DPP6: variants seen among roughly 807,000 people sequenced by gnomAD.
DPP6 encodes the protein dipeptidyl peptidase like 6.
DPP6 carries 69 observed loss-of-function variants against 122.6 expected under a neutral mutation model. The observed-to-expected ratio is 0.56, with a 90% CI of 0.46 to 0.69. The LOEUF (loss-of-function observed/expected upper bound fraction) is 0.69, where lower values mean the gene tolerates loss of function less well. DPP6 is among the 30% of genes least tolerant of loss of function. The pLI is 0.00. For synonymous variants in DPP6, 418 were observed against 433.1 expected (o/e 0.97, Z 0.43); for missense variants, 928 against 1,116.9 (o/e 0.83, Z 2.41).
chr7:153,972,948 G>C (rs2129034077), intron 1 of DPP6, among the ~76,000 whole-genome samples: 1 of 151,872 alleles, frequency 6.6e-6, no homozygotes, highest in East Asian at 1.9e-4. Flanking sequence ...AATCTACTTA[G>C]TATGTTTTAT....
At position 154,868,327 on chromosome 7, in the gene DPP6, C is replaced by A. The variant is rs368023313; in HGVS notation, c.1813+234C>A. Among the ~76,000 whole-genome samples, 5 of 152,212 alleles carry A rather than the reference C, an allele frequency of 3.3e-5. No individual in the cohort carries two copies. In the East Asian group the frequency reaches 9.6e-4, roughly 29 times the overall value. ...AGGATCTCTCTCCCTGAGAGGCTGACAGTTGCTTCAAAGCAAGACCACAGA... is the reference window on the plus strand; with the variant it reads ...AGGATCTCTCTCCCTGAGAGGCTGAAAGTTGCTTCAAAGCAAGACCACAGA... On this transcript the variant is annotated intron_variant, in intron 18 of 25. Transcript: ENST00000377770.
chr7:154,309,320 A>T (rs577363441), intron 1 of DPP6, among the ~76,000 whole-genome samples: 11 of 152,090 alleles, frequency 7.2e-5, no homozygotes, highest in African/African-American at 2.7e-4. Flanking sequence ...CTGATAGATA[A>T]CTCCCCATGT....
intron 7 of DPP6, among the ~76,000 whole-genome samples, chr7:154,684,351 A>G (rs1482682409): frequency 1.3e-5 from 2 of 152,180 alleles, no homozygotes; most frequent in African/African-American, 4.8e-5. Flanking sequence ...CTCCTTAGGA[A>G]CAAGCACCTC....
At chr7:154,577,686 A>T (rs1473010882) in intron 5 of DPP6, among the ~76,000 whole-genome samples, 6 of 152,208 alleles carry the variant, frequency 3.9e-5, no homozygotes, top group African/African-American at 1.4e-4. Flanking sequence ...TGTGAGATAG[A>T]GAACACTCGA....
chr7:153,978,249 A>T lies in DPP6; in HGVS notation c.51+90515A>T, dbSNP rs562423225. Reference sequence around the variant, plus strand: ...TGACTTTTTAATGATCGCCATTTTAACTGGTGTGAGATGGTATCTCATTGT... The same window carrying T: ...TGACTTTTTAATGATCGCCATTTTATCTGGTGTGAGATGGTATCTCATTGT... On this transcript the variant is annotated intron_variant, in intron 1 of 25. Transcript: ENST00000404039. Among the ~76,000 whole-genome samples, 151 of 152,302 alleles carry T rather than the reference A, an allele frequency of 9.9e-4. 1 individual carries two copies. Among genetic ancestry groups the T allele is most frequent in the African/African-American group, 3.5e-3 (147 of 41,560 alleles).
chr7:154,837,413 C>T (rs7796027), intron 16 of DPP6, among the ~76,000 whole-genome samples: 2,466 of 151,990 alleles, frequency 0.016, 72 homozygotes, highest in African/African-American at 0.056. Context: ...CATGTTCACA[C>T]GTGTATGCAT....
chr7:154,623,445 G>A (rs557829843), intron 5 of DPP6, among the ~76,000 whole-genome samples: 1 of 152,250 alleles, frequency 6.6e-6, no homozygotes, highest in South Asian at 2.1e-4. Flanking sequence ...ATCCCACCAG[G>A]GTGAGCTGAA....
rs1437425424 is a variant in DPP6, at chr7:154,610,705, CTCTGTGTGTG to C, written c.628-27114_628-27105del. 6.5e-3 allele frequency among the ~76,000 whole-genome samples: 920 copies of C among 140,650 alleles called. 9 individuals carry two copies. The highest frequency in any genetic ancestry group is 0.018 in the African/African-American group (665 of 36,494). The allele number at this position is 140,650 out of a possible 152,430, so 92.3% of individuals were successfully genotyped here. ...TTTTATTATTTGTGTCTGTGTTGTT[CTCTGTGTGTG>C]TGTGTGTGTGTGTGTGTGTGTGTGT... On this transcript the variant is annotated intron_variant, in intron 5 of 25. Transcript: ENST00000377770.
At position 153,937,510 on chromosome 7, in the gene DPP6, G is replaced by A. The variant is rs536515773; in HGVS notation, c.51+49776G>A. ...GTTGCCCAGGCTGGAGCACAGTGGC[G>A]CGATCTCGCCCACTGCAACCTCTCC... On this transcript the variant is annotated intron_variant, in intron 1 of 25. Coordinates refer to the DPP6 transcript ENST00000404039. Among the ~76,000 whole-genome samples, 17 of 140,082 alleles carry A rather than the reference G, an allele frequency of 1.2e-4. No individual in the cohort carries two copies. In the South Asian group the frequency reaches 1.6e-3, roughly 13 times the overall value. The allele number at this position is 140,082 out of a possible 152,430, so 91.9% of individuals were successfully genotyped here.
chr7:154,190,785 T>C (rs1333884683), intron 1 of DPP6, among the ~76,000 whole-genome samples: 1 of 152,112 alleles, frequency 6.6e-6, no homozygotes, highest in Admixed American at 6.5e-5. Context: ...AGCTGTTACT[T>C]CTTAAAGCAA....
At chr7:154,672,832 C>T (rs545466853) in intron 7 of DPP6, among the ~76,000 whole-genome samples, 1 of 152,302 alleles carries the variant, frequency 6.6e-6, no homozygotes, top group South Asian at 2.1e-4. Context: ...TCTTTGCAAA[C>T]AGATAGTTTC....
At chr7:154,322,496 G>A (rs2024365) in intron 1 of DPP6, among the ~76,000 whole-genome samples, 116,467 of 152,118 alleles carry the variant, frequency 0.77, 45,092 homozygotes, top group African/African-American at 0.88. Flanking sequence ...CTGTGCCATG[G>A]AGAGACTCGT....
chr7:154,258,556 T>C (rs982956472), intron 1 of DPP6, among the ~76,000 whole-genome samples: 8 of 152,158 alleles, frequency 5.3e-5, no homozygotes, highest in African/African-American at 1.4e-4. Context: ...CCACAACCAA[T>C]AGCAAAAGCA....
chr7:154,021,028 A>G (rs954601945), intron 1 of DPP6, among the ~76,000 whole-genome samples: 1 of 152,166 alleles, frequency 6.6e-6, no homozygotes, highest in African/African-American at 2.4e-5. Context: ...CGCCAGGCAG[A>G]GAGGAAGAGA....
chr7:153,952,958 T>C (rs1171679919), intron 1 of DPP6, among the ~76,000 whole-genome samples: 2 of 152,162 alleles, frequency 1.3e-5, no homozygotes, highest in African/African-American at 4.8e-5. Flanking sequence ...CAGGAGAAAA[T>C]TATTTTTGTA....
At chr7:153,992,911 A>G (rs554810735) in intron 1 of DPP6, among the ~76,000 whole-genome samples, 22 of 152,182 alleles carry the variant, frequency 1.4e-4, no homozygotes, top group Non-Finnish European at 2.9e-4. Flanking sequence ...ATTATTTAAA[A>G]TACAGGTCCC....
At chr7:154,017,451 G>T (rs1798474763) in intron 1 of DPP6, among the ~76,000 whole-genome samples, 1 of 151,990 alleles carries the variant, frequency 6.6e-6, no homozygotes, top group South Asian at 2.1e-4. Context: ...TATAATCCCA[G>T]CACTTTGGGA....
At chr7:154,078,203 T>A (rs1803709121) in intron 1 of DPP6, among the ~76,000 whole-genome samples, 2 of 152,166 alleles carry the variant, frequency 1.3e-5, no homozygotes, top group South Asian at 4.1e-4. Context: ...GGTAGTTGTG[T>A]TGTCATCTGC....
chr7:154,766,914 C>G (rs900678977), intron 8 of DPP6, among the ~76,000 whole-genome samples: 2 of 152,186 alleles, frequency 1.3e-5, no homozygotes, highest in East Asian at 1.9e-4. Context: ...CCTTGCCCCC[C>G]CTTGCCTAGT....
Sources: gnomAD v4.1 joint callset for allele counts (sites outside exome capture counted in the v4.1 genomes callset) on GRCh38, gnomAD v4.1.1 for gene constraint, MANE v1.5 for transcripts, NCBI Gene and HGNC (gene_info 2026-07-23, HGNC 2026-07-21) for gene names.